Variants in KIAA1671 observed in about 807,000 individuals in gnomAD.
The protein encoded by KIAA1671 is KIAA1671, also known as uncharacterized protein KIAA1671.
KIAA1671 carries 52 observed loss-of-function variants against 131.2 expected under a neutral mutation model. That is an observed-to-expected ratio of 0.40 (90% CI 0.32 to 0.50). KIAA1671 has a LOEUF of 0.50. KIAA1671 is among the 20% of genes least tolerant of loss of function. The pLI is 0.73. For missense variants in KIAA1671, 2,360 were observed against 2,364.2 expected, an observed-to-expected ratio of 1.00 and a Z score of 0.04; for synonymous variants, 1,003 against 961.6, an observed-to-expected ratio of 1.04 and a Z score of -0.80.
chr22:25,171,729 T>A (rs5760888), intron 7 of KIAA1671, among the ~76,000 whole-genome samples: 92,256 of 150,552 alleles, frequency 0.61, 28,598 homozygotes, highest in East Asian at 0.81. Flanking sequence ...TAAAAAAAAA[T>A]AATAATAATA....
chr22:25,180,909 A>T (rs1261661021), intron 9 of KIAA1671, among the ~76,000 whole-genome samples: 1 of 152,180 alleles, frequency 6.6e-6, no homozygotes, highest in Non-Finnish European at 1.5e-5. Context: ...AAAAGCACAC[A>T]AATACCCCCA....
chr22:24,971,922 G>A (rs1259836948), intron 1 of KIAA1671, among the ~76,000 whole-genome samples: 1 of 152,150 alleles, frequency 6.6e-6, no homozygotes, highest in Non-Finnish European at 1.5e-5. Context: ...ATGTTCCAGG[G>A]TGTGTCTAGT....
Position 25,040,084 on chromosome 22 carries a change from G to A in KIAA1671, c.2954G>A (p.Ser985Asn), listed in dbSNP as rs1926829596. ...ACAGATTATGTGAGCCCCACAGCCA[G>A]TGCCTTAAGAAAACCTCAACTATCC... ...RRTDYVSPTA[S>N]ALRKPQLSHY... is the part of the protein sequence containing the mutation. Residue 985 changes from serine to asparagine, a missense_variant, in exon 5 of 13, where the codon AGT (serine) becomes AAT (asparagine). Ser to Asn is a conservative substitution (Grantham distance 46). This residue lies in a region of KIAA1671 where 1,161 missense variants were observed against 1,204.7 expected (regional missense o/e 0.96). Coordinates refer to ENST00000358431, the MANE Select transcript of KIAA1671 (RefSeq NM_001145206.2). 220 of 1,551,562 alleles carry A rather than the reference G, an allele frequency of 1.4e-4. 2 individuals carry two copies. The South Asian group carries it at 2.4e-3, about 17-fold the overall frequency.
At chr22:24,973,190 GGCT>G (rs1319146206) in intron 1 of KIAA1671, among the ~76,000 whole-genome samples, 7 of 152,072 alleles carry the variant, frequency 4.6e-5, no homozygotes, top group African/African-American at 1.7e-4. Flanking sequence ...ACTCGGTTTG[GGCT>G]TTTAAAAAAC....
At chr22:25,176,230 C>T (rs1601384051) in intron 8 of KIAA1671, 2 of 152,260 alleles carry the variant, frequency 1.3e-5, no homozygotes, top group African/African-American at 4.8e-5. Flanking sequence ...CAAGATACCA[C>T]TGTGGCTGGT....
chr22:25,140,823 G>A (rs952754189), intron 6 of KIAA1671, among the ~76,000 whole-genome samples: 11 of 152,212 alleles, frequency 7.2e-5, no homozygotes, highest in Non-Finnish European at 1.0e-4. Context: ...GAAATTGTCC[G>A]TACCTCAAAG....
intron 6 of KIAA1671, among the ~76,000 whole-genome samples, chr22:25,153,129 A>G (rs1278221989): frequency 1.3e-5 from 2 of 152,206 alleles, no homozygotes; most frequent in African/African-American, 2.4e-5. Flanking sequence ...TCAATAGTAT[A>G]TCTGTACTGC....
chr22:25,108,117 T>C (rs367887745), intron 6 of KIAA1671, among the ~76,000 whole-genome samples: 4 of 152,374 alleles, frequency 2.6e-5, no homozygotes, highest in Admixed American at 1.3e-4. Flanking sequence ...GTTAAATTTC[T>C]TCCAGGAAAT....
chr22:25,088,458 G>C (rs1356437550), intron 6 of KIAA1671, among the ~76,000 whole-genome samples: 2 of 152,086 alleles, frequency 1.3e-5, no homozygotes, highest in African/African-American at 2.4e-5. Flanking sequence ...CAGGTGCCAG[G>C]CTCTGCAGAA....
chr22:25,169,418 C>CAAAAAAAAAA (rs34299474), intron 6 of KIAA1671, among the ~76,000 whole-genome samples: 1 of 118,102 alleles, frequency 8.5e-6, no homozygotes, highest in African/African-American at 3.3e-5. Flanking sequence ...GACCTTGTCT[C>CAAAAAAAAAA]AAAAAAAAAA....
chr22:25,081,065 C>T (rs1929378352), intron 6 of KIAA1671, among the ~76,000 whole-genome samples: 1 of 152,142 alleles, frequency 6.6e-6, no homozygotes, highest in Non-Finnish European at 1.5e-5. Context: ...AATCTCGTGA[C>T]TGCTGAAAGG....
chr22:25,108,173 T>C (rs910020754), intron 6 of KIAA1671, among the ~76,000 whole-genome samples: 3 of 152,216 alleles, frequency 2.0e-5, no homozygotes, highest in African/African-American at 7.2e-5. Flanking sequence ...ATGTGTCTTG[T>C]TTCACCACAA....
chr22:24,993,159 TC>T (rs1023017615), intron 1 of KIAA1671, among the ~76,000 whole-genome samples: 12 of 151,838 alleles, frequency 7.9e-5, no homozygotes, highest in African/African-American at 2.2e-4. Context: ...TGAGATGCTG[TC>T]CCCCCACCGG....
intron 1 of KIAA1671, among the ~76,000 whole-genome samples, chr22:24,987,171 ATTT>A (rs772183225): frequency 6.1e-5 from 9 of 146,770 alleles, no homozygotes; most frequent in African/African-American, 2.0e-4. Context: ...TATTATTATT[ATTT>A]TTTTTTTTTT....
intron 6 of KIAA1671, among the ~76,000 whole-genome samples, chr22:25,126,853 C>T (rs1932207224): frequency 6.6e-6 from 1 of 152,128 alleles, no homozygotes; most frequent in South Asian, 2.1e-4. Flanking sequence ...TTGCAAAAAG[C>T]CCTGTAGTCA....
chr22:25,049,176 C>T (rs1009792193), intron 5 of KIAA1671, 54 bp from the exon 6 acceptor site: 598 of 1,522,056 alleles, frequency 3.9e-4, no homozygotes, highest in Non-Finnish European at 5.0e-4. Context: ...TATATTTTTT[C>T]CTGTAAATGA....
intron 6 of KIAA1671, among the ~76,000 whole-genome samples, chr22:25,126,309 C>T (rs989111770): frequency 1.3e-5 from 2 of 152,206 alleles, no homozygotes; most frequent in African/African-American, 4.8e-5. Context: ...ACCGGTAATT[C>T]CTTAATTCGT....
chr22:25,116,651 C>T (rs1203027676), intron 6 of KIAA1671, among the ~76,000 whole-genome samples: 2 of 151,856 alleles, frequency 1.3e-5, no homozygotes, highest in Non-Finnish European at 2.9e-5. Flanking sequence ...CGAACTCTGG[C>T]CTCAGGTGAT....
intron 6 of KIAA1671, among the ~76,000 whole-genome samples, chr22:25,133,786 G>A (rs1186455668): frequency 1.3e-5 from 2 of 152,126 alleles, no homozygotes; most frequent in South Asian, 2.1e-4. Context: ...GGGTTCTTGC[G>A]ATCCTCCCAC....
Sources: allele counts gnomAD v4.1 joint callset (sites outside exome capture counted in the v4.1 genomes callset), GRCh38; gene constraint gnomAD v4.1.1; regional missense constraint gnomAD v4.1.1; transcripts MANE v1.5; gene names NCBI Gene and HGNC (gene_info 2026-07-23, HGNC 2026-07-21).